The following CTNNA3 variants were observed in gnomAD, a reference collection of about 807,000 sequenced individuals.
The protein encoded by CTNNA3 is catenin alpha 3.
CTNNA3 carries 76 observed loss-of-function variants against 95.7 expected under a neutral mutation model. That is an observed-to-expected ratio of 0.79 (90% CI 0.66 to 0.96). The LOEUF is 0.96. Ranked by LOEUF, CTNNA3 falls within the 40% of genes least tolerant of loss-of-function variation. The pLI, the probability that CTNNA3 is intolerant of heterozygous loss-of-function variation, is 0.00. For synonymous variants in CTNNA3, 431 were observed against 374.4 expected, an observed-to-expected ratio of 1.15 and a Z score of -1.74; for missense variants, 1,191 against 1,089.8, an observed-to-expected ratio of 1.09 and a Z score of -1.31.
chr10:66,043,302 T>C (rs759723114), intron 15 of CTNNA3, among the ~76,000 whole-genome samples: 2 of 152,164 alleles, frequency 1.3e-5, no homozygotes, highest in African/African-American at 2.4e-5. Context: ...GTCTTAAATA[T>C]TGAACGCTTT....
chr10:67,629,766 T>G (rs1397295407), intron 2 of CTNNA3, among the ~76,000 whole-genome samples: 7 of 152,122 alleles, frequency 4.6e-5, no homozygotes, highest in Non-Finnish European at 8.8e-5. Flanking sequence ...GTTTGGAAAC[T>G]GAAAAAAATC....
intron 2 of CTNNA3, among the ~76,000 whole-genome samples, chr10:67,610,816 G>A (rs1843431399): frequency 6.6e-6 from 1 of 152,192 alleles, no homozygotes. Context: ...TTAAGCCCAT[G>A]TCTTGCTAAC....
intron 13 of CTNNA3, among the ~76,000 whole-genome samples, chr10:66,243,061 C>T (rs990008120): frequency 1.3e-5 from 2 of 152,136 alleles, no homozygotes; most frequent in African/African-American, 4.8e-5. Flanking sequence ...AGGGGTCAGA[C>T]ATATCTCATT....
At chr10:67,172,936 C>T (rs955262904) in intron 7 of CTNNA3, among the ~76,000 whole-genome samples, 1 of 150,670 alleles carries the variant, frequency 6.6e-6, no homozygotes, top group African/African-American at 2.5e-5. Context: ...GATTATGTTA[C>T]TGCACTCCAG....
intron 3 of CTNNA3, among the ~76,000 whole-genome samples, chr10:67,563,618 C>A (rs1172834841): frequency 6.6e-6 from 1 of 152,052 alleles, no homozygotes; most frequent in Non-Finnish European, 1.5e-5. Flanking sequence ...AGAGCAATGG[C>A]AACAAAAGCC....
chr10:67,621,102 G>A (rs936443705), intron 2 of CTNNA3, among the ~76,000 whole-genome samples: 20 of 151,878 alleles, frequency 1.3e-4, no homozygotes, highest in Non-Finnish European at 2.5e-4. Context: ...GTTCTGACAT[G>A]GTAATCACCT....
intron 10 of CTNNA3, among the ~76,000 whole-genome samples, chr10:66,546,099 G>A (rs576543468): frequency 6.2e-4 from 94 of 151,866 alleles, no homozygotes; most frequent in African/African-American, 2.2e-3. Context: ...TAGTTTTCAT[G>A]CAGTATAATT....
chr10:66,477,908 C>T (rs1009862589), intron 11 of CTNNA3, among the ~76,000 whole-genome samples: 1 of 152,066 alleles, frequency 6.6e-6, no homozygotes, highest in South Asian at 2.1e-4. Flanking sequence ...CATATCTTGC[C>T]TTAACTTCTC....
At chr10:67,394,227 A>T (rs1442328104) in intron 5 of CTNNA3, among the ~76,000 whole-genome samples, 1 of 152,006 alleles carries the variant, frequency 6.6e-6, no homozygotes, top group East Asian at 1.9e-4. Context: ...ATGTGTTAAT[A>T]ATGCTTAACT....
intron 7 of CTNNA3, among the ~76,000 whole-genome samples, chr10:66,853,202 C>T (rs1035150690): frequency 6.6e-6 from 1 of 152,098 alleles, no homozygotes; most frequent in Non-Finnish European, 1.5e-5. Flanking sequence ...TTTCATTTAT[C>T]TATTGTCTAT....
intron 12 of CTNNA3, among the ~76,000 whole-genome samples, chr10:66,309,792 G>A (rs770858069): frequency 1.0e-4 from 15 of 150,446 alleles, no homozygotes; most frequent in Non-Finnish European, 1.9e-4. Flanking sequence ...AAGTGCAGTG[G>A]CTCACGCCTG....
intron 5 of CTNNA3, among the ~76,000 whole-genome samples, chr10:67,463,577 A>C (rs1249236916): frequency 6.6e-6 from 1 of 152,178 alleles, no homozygotes; most frequent in Non-Finnish European, 1.5e-5. Flanking sequence ...ACCTCAATAC[A>C]TGTGTTCAAT....
intron 17 of CTNNA3, among the ~76,000 whole-genome samples, chr10:65,951,991 T>A (rs1167530412): frequency 2.8e-5 from 4 of 144,044 alleles, no homozygotes; most frequent in Admixed American, 7.2e-5. Flanking sequence ...GATGGCACCA[T>A]TGCACTCCAG....
chr10:66,921,718 C>T (rs1271945945), intron 7 of CTNNA3, among the ~76,000 whole-genome samples: 1 of 152,090 alleles, frequency 6.6e-6, no homozygotes, highest in East Asian at 1.9e-4. Context: ...ATACCTTGCA[C>T]TCCCAATCTT....
chr10:66,189,855 C>A (rs1001393480), intron 13 of CTNNA3, among the ~76,000 whole-genome samples: 53 of 151,856 alleles, frequency 3.5e-4, no homozygotes, highest in Non-Finnish European at 6.8e-4. Context: ...ATGACAAGGT[C>A]TACAAATGAG....
intron 6 of CTNNA3, among the ~76,000 whole-genome samples, chr10:67,187,702 C>T (rs1478228240): frequency 1.3e-5 from 2 of 152,096 alleles, no homozygotes; most frequent in Non-Finnish European, 2.9e-5. Flanking sequence ...CTTCCCAACT[C>T]AGCCTCCGCA....
At chr10:67,319,874 T>G (rs1841233062) in intron 5 of CTNNA3, among the ~76,000 whole-genome samples, 1 of 124,918 alleles carries the variant, frequency 8.0e-6, no homozygotes, top group African/African-American at 3.2e-5. Flanking sequence ...CCAGCCTGGG[T>G]GACAAGAGCG....
At chr10:66,041,723 C>CTT (rs67577090) in intron 15 of CTNNA3, among the ~76,000 whole-genome samples, 1 of 151,268 alleles carries the variant, frequency 6.6e-6, no homozygotes, top group African/African-American at 2.4e-5. Context: ...GCATTTGTTC[C>CTT]TTTTTTTTTC....
At chr10:66,294,886 CAGAGAG>C (rs35664400) in intron 12 of CTNNA3, among the ~76,000 whole-genome samples, 108 of 142,486 alleles carry the variant, frequency 7.6e-4, no homozygotes, top group African/African-American at 2.6e-3. Context: ...ACAGTCAGGA[CAGAGAG>C]AGAGAGAGAG....
Sources: allele counts gnomAD v4.1 joint callset (sites outside exome capture counted in the v4.1 genomes callset), GRCh38; gene constraint gnomAD v4.1.1; transcripts MANE v1.5; gene names NCBI Gene and HGNC (gene_info 2026-07-23, HGNC 2026-07-21).